DOCK9: variants seen among roughly 807,000 people sequenced by gnomAD.
The protein encoded by DOCK9 is dedicator of cytokinesis 9.
In DOCK9, 89 loss-of-function variants were observed where a neutral mutation model predicts 263.3. The ratio of observed to expected loss-of-function variants is 0.34; its 90% CI spans 0.28 to 0.40. The LOEUF (loss-of-function observed/expected upper bound fraction) is 0.40. DOCK9 is among the 10% of genes least tolerant of loss of function. The pLI, the probability that DOCK9 is intolerant of heterozygous loss-of-function variation, is 1.00. For missense variants in DOCK9, 2,140 were observed against 2,603.4 expected (o/e 0.82, Z 3.87); for synonymous variants, 976 against 973.1 (o/e 1.00, Z -0.06).
At position 98,985,779 on chromosome 13, in the gene DOCK9, A is replaced by G. The variant is rs1276747425; in HGVS notation, c.130-30228T>C. Among the ~76,000 whole-genome samples, 4 of 149,168 alleles carry G rather than the reference A, an allele frequency of 2.7e-5. No individual in the cohort carries two copies. The East Asian group carries it at 7.9e-4, about 30-fold the overall frequency. On this transcript the variant is annotated intron_variant, in intron 1 of 32. Coordinates refer to the DOCK9 transcript ENST00000427887. ...GTTTCGCGTGATCTGTAACTGTTTT[A>G]TCTCCCTTCCTCAGCTTTGAGCGCT...
intron 9 of DOCK9, among the ~76,000 whole-genome samples, chr13:98,908,734 G>A (rs557049332): frequency 1.6e-4 from 24 of 152,228 alleles, no homozygotes; most frequent in African/African-American, 2.9e-4. Context: ...AATTGCAACC[G>A]GTTATTAACT....
chr13:99,031,999 G>A (rs1294593135), intron 1 of DOCK9, among the ~76,000 whole-genome samples: 1 of 152,114 alleles, frequency 6.6e-6, no homozygotes, highest in African/African-American at 2.4e-5. Flanking sequence ...CCAGTACCTG[G>A]GTTAAATATA....
At chr13:98,981,804 G>A (rs903614811), upstream of DOCK9, among the ~76,000 whole-genome samples, 9 of 152,234 alleles carry the variant, frequency 5.9e-5, no homozygotes, top group Non-Finnish European at 1.0e-4. Flanking sequence ...AAGGGCTCAT[G>A]AGACTGATGT....
At chr13:98,926,636 G>A (rs2053015704) in intron 3 of DOCK9, among the ~76,000 whole-genome samples, 1 of 152,164 alleles carries the variant, frequency 6.6e-6, no homozygotes, top group Non-Finnish European at 1.5e-5. Context: ...AGTGCATAAA[G>A]CCTAAGATTA....
At chr13:98,808,301 A>C (rs564488473) in intron 47 of DOCK9, among the ~76,000 whole-genome samples, 9 of 152,318 alleles carry the variant, frequency 5.9e-5, no homozygotes, top group Admixed American at 5.9e-4. Flanking sequence ...ATTTTGCTTT[A>C]CCGATGAGAA....
chr13:98,919,418 T>C (rs1282182312), intron 7 of DOCK9, among the ~76,000 whole-genome samples: 3 of 152,188 alleles, frequency 2.0e-5, no homozygotes, highest in Non-Finnish European at 4.4e-5. Context: ...ATCAGACAAA[T>C]GTATTCCTTG....
At chr13:98,882,958 T>G in intron 23 of DOCK9, 84 bp downstream of exon 23, 2 of 1,139,476 alleles carry the variant, frequency 1.8e-6, no homozygotes, top group Non-Finnish European at 2.5e-6. Context: ...TTCCAAGGGG[T>G]GAGAACACCA....
chr13:99,034,806 G>C (rs1887697714), intron 1 of DOCK9, among the ~76,000 whole-genome samples: 1 of 152,192 alleles, frequency 6.6e-6, no homozygotes, highest in Non-Finnish European at 1.5e-5. Flanking sequence ...AACAGTGAAG[G>C]AACTGTGATT....
chr13:99,067,805 C>T (rs922158324), intron 1 of DOCK9, among the ~76,000 whole-genome samples: 4 of 151,490 alleles, frequency 2.6e-5, no homozygotes, highest in Admixed American at 6.6e-5. Context: ...AGGGCTGCTT[C>T]GGGGCCCATT....
intron 1 of DOCK9, among the ~76,000 whole-genome samples, chr13:99,073,208 C>A (rs1430435388): frequency 6.6e-6 from 1 of 152,170 alleles, no homozygotes; most frequent in Non-Finnish European, 1.5e-5. Flanking sequence ...CCAGCCCACC[C>A]TGCATATCCT....
At chr13:98,837,758 G>A in intron 38 of DOCK9, 149 bp from the exon 39 acceptor site, 1 of 116,746 alleles carries the variant, frequency 8.6e-6, no homozygotes, top group Non-Finnish European at 1.7e-5. Context: ...GTGGGGGGCG[G>A]GGTGGGAGGG....
At chr13:98,805,410 T>C (rs1417039331) in intron 48 of DOCK9, among the ~76,000 whole-genome samples, 5 of 152,230 alleles carry the variant, frequency 3.3e-5, no homozygotes, top group Non-Finnish European at 5.9e-5. Flanking sequence ...CATACACTTA[T>C]GGATGTGCAC....
chr13:99,034,054 C>T (rs1307375838), intron 1 of DOCK9, among the ~76,000 whole-genome samples: 1 of 152,132 alleles, frequency 6.6e-6, no homozygotes, highest in African/African-American at 2.4e-5. Flanking sequence ...GAGAGAAAAG[C>T]ACATTTTTAA....
upstream of DOCK9, chr13:98,978,208 C>T (rs1458341624): frequency 4.8e-6 from 4 of 841,340 alleles, no homozygotes; most frequent in South Asian, 4.8e-5. Context: ...TGATAAAGAC[C>T]GGCTTTATTG....
intron 1 of DOCK9, among the ~76,000 whole-genome samples, chr13:98,984,381 A>T (rs1466575470): frequency 6.6e-6 from 1 of 152,256 alleles, no homozygotes; most frequent in African/African-American, 2.4e-5. Context: ...GATCATTTGA[A>T]GCCTAATGCC....
In DOCK9 at chr13:99,076,946, G is replaced by C. The variant is rs7991336; in HGVS notation, c.129+9277C>G. On this transcript the variant is annotated intron_variant, in intron 1 of 32. Coordinates refer to the DOCK9 transcript ENST00000427887. ...TTTGGGTGGATAGGCCAGGACATGC[G>C]AGTACAGTTTCAAAGGCCAGAGAGA... 9.5e-3 allele frequency among the ~76,000 whole-genome samples: 1,440 copies of C among 152,300 alleles called. 24 individuals carry two copies. The highest frequency in any genetic ancestry group is 0.033 in the African/African-American group (1,351 of 41,554).
intron 1 of DOCK9, chr13:99,015,855 G>T: frequency 9.6e-7 from 1 of 1,037,542 alleles, no homozygotes; most frequent in Non-Finnish European, 1.2e-6. Flanking sequence ...CACCTCGGAT[G>T]CACCAAACCT....
At chr13:98,846,699 C>T (rs1726671004) in intron 37 of DOCK9, 1 of 480,154 alleles carries the variant, frequency 2.1e-6, no homozygotes, top group Non-Finnish European at 3.9e-6. Flanking sequence ...CCGGAGCCAA[C>T]CGTCCCCCTC....
At chr13:98,887,615 CAAAAAA>C (rs58976892) in intron 18 of DOCK9, among the ~76,000 whole-genome samples, 4 of 37,218 alleles carry the variant, frequency 1.1e-4, no homozygotes, top group Non-Finnish European at 1.7e-4. Flanking sequence ...GACTCCATCT[CAAAAAA>C]AAAAAAAAAA....
Sources: gnomAD v4.1 joint callset for allele counts (sites outside exome capture counted in the v4.1 genomes callset) on GRCh38, gnomAD v4.1.1 for gene constraint, MANE v1.5 for transcripts, NCBI Gene and HGNC (gene_info 2026-07-23, HGNC 2026-07-21) for gene names.